The following GRIK1 variants were observed in gnomAD, a reference collection of about 807,000 sequenced individuals.
GRIK1 encodes the protein glutamate ionotropic receptor kainate type subunit 1.
A neutral mutation model predicts 105.7 loss-of-function variants in GRIK1; 69 were observed. That is an observed-to-expected ratio of 0.65 (90% CI 0.54 to 0.80). The LOEUF (loss-of-function observed/expected upper bound fraction) is 0.80. Among genes scored for constraint, GRIK1 ranks in the 30% least tolerant of loss-of-function variants. The probability of loss-of-function intolerance (pLI) is 0.00; values close to 1 mark genes in which losing one functional copy is unlikely to be tolerated. For missense variants in GRIK1, 1,109 were observed against 1,167.3 expected (o/e 0.95, Z 0.73); for synonymous variants, 438 against 431.3 (o/e 1.02, Z -0.19).
intron 1 of GRIK1, among the ~76,000 whole-genome samples, chr21:29,909,076 T>TAC (rs2070732562): frequency 6.6e-6 from 1 of 152,178 alleles, no homozygotes; most frequent in Non-Finnish European, 1.5e-5. Context: ...CCGTGTTTGT[T>TAC]ACACATTGTA....
intron 1 of GRIK1, among the ~76,000 whole-genome samples, chr21:29,800,943 A>T (rs2066690887): frequency 6.6e-6 from 1 of 152,174 alleles, no homozygotes; most frequent in African/African-American, 2.4e-5. Context: ...ATTTTGCCTC[A>T]TCACAACTCC....
intron 16 of GRIK1, among the ~76,000 whole-genome samples, chr21:29,554,145 A>G (rs2090190119): frequency 6.6e-6 from 1 of 152,170 alleles, no homozygotes; most frequent in South Asian, 2.1e-4. Flanking sequence ...CCAGTGCGAA[A>G]TGAAAATATG....
At chr21:29,607,210 G>A (rs796287640) in intron 7 of GRIK1, among the ~76,000 whole-genome samples, 6 of 152,184 alleles carry the variant, frequency 3.9e-5, no homozygotes, top group African/African-American at 1.2e-4. Context: ...TGCAGGGTGA[G>A]AGATGACTGA....
intron 1 of GRIK1, among the ~76,000 whole-genome samples, chr21:29,911,232 G>A (rs74921071): frequency 0.029 from 4,362 of 152,050 alleles, 212 homozygotes; most frequent in African/African-American, 0.1. Flanking sequence ...TGGCAAAACC[G>A]GGCAACAGGA....
At chr21:29,814,625 A>G (rs1028202675) in intron 1 of GRIK1, among the ~76,000 whole-genome samples, 7 of 152,140 alleles carry the variant, frequency 4.6e-5, no homozygotes, top group African/African-American at 1.7e-4. Flanking sequence ...GATTCCGACT[A>G]TGTATTACAG....
chr21:29,771,823 G>A (rs1485831914), intron 1 of GRIK1, among the ~76,000 whole-genome samples: 2 of 152,184 alleles, frequency 1.3e-5, no homozygotes, highest in Non-Finnish European at 2.9e-5. Flanking sequence ...GCAAATAGCT[G>A]CTGTCTTAAG....
At chr21:29,808,498 A>C (rs1314253395) in intron 1 of GRIK1, among the ~76,000 whole-genome samples, 1 of 152,176 alleles carries the variant, frequency 6.6e-6, no homozygotes, top group Non-Finnish European at 1.5e-5. Context: ...GATATGCTAT[A>C]TATATTAGAG....
At chr21:29,878,114 T>C (rs114904202) in intron 1 of GRIK1, among the ~76,000 whole-genome samples, 1,711 of 152,186 alleles carry the variant, frequency 0.011, 39 homozygotes, top group African/African-American at 0.039. Flanking sequence ...TTGAAATGAA[T>C]GAGAGCGGAG....
intron 1 of GRIK1, among the ~76,000 whole-genome samples, chr21:29,706,946 G>A (rs1342225094): frequency 6.6e-6 from 1 of 151,994 alleles, no homozygotes; most frequent in Non-Finnish European, 1.5e-5. Context: ...CTCACTGCAA[G>A]CTCCGCCTCC....
chr21:29,647,803 G>C (rs1357096981), intron 6 of GRIK1, among the ~76,000 whole-genome samples: 1 of 152,110 alleles, frequency 6.6e-6, no homozygotes, highest in Non-Finnish European at 1.5e-5. Context: ...TGTTAATTCT[G>C]TCAATTACCA....
intron 1 of GRIK1, among the ~76,000 whole-genome samples, chr21:29,797,012 T>C (rs1053321330): frequency 1.3e-5 from 2 of 151,668 alleles, no homozygotes; most frequent in Non-Finnish European, 2.9e-5. Flanking sequence ...ATTTAGTTGG[T>C]TTCTAATGCG....
chr21:29,877,233 T>C (rs1250934992), intron 1 of GRIK1, among the ~76,000 whole-genome samples: 1 of 152,174 alleles, frequency 6.6e-6, no homozygotes, highest in Non-Finnish European at 1.5e-5. Context: ...AAATTTTCAT[T>C]GATGCTAGGC....
chr21:29,551,543 AAATGT>A (rs1170733052), intron 16 of GRIK1, among the ~76,000 whole-genome samples: 2 of 152,208 alleles, frequency 1.3e-5, no homozygotes, highest in Non-Finnish European at 2.9e-5. Context: ...TGAAAGGATC[AAATGT>A]AATGTATGTG....
At chr21:29,730,021 T>C (rs996522689) in intron 1 of GRIK1, among the ~76,000 whole-genome samples, 4 of 152,222 alleles carry the variant, frequency 2.6e-5, no homozygotes, top group African/African-American at 9.6e-5. Flanking sequence ...CATGTCATAA[T>C]CACTACATTT....
chr21:29,808,739 C>T (rs1015120469), intron 1 of GRIK1, among the ~76,000 whole-genome samples: 1 of 152,124 alleles, frequency 6.6e-6, no homozygotes, highest in Non-Finnish European at 1.5e-5. Flanking sequence ...ATCTGTCTTT[C>T]TGATTCTCAG....
chr21:29,608,051 A>G (rs769600305), intron 7 of GRIK1, among the ~76,000 whole-genome samples: 4 of 152,098 alleles, frequency 2.6e-5, no homozygotes, highest in Non-Finnish European at 4.4e-5. Flanking sequence ...AAGAGATAAT[A>G]TTGGCATGAT....
chr21:29,688,442 T>C (rs1568976315), intron 3 of GRIK1, among the ~76,000 whole-genome samples: 2 of 152,184 alleles, frequency 1.3e-5, no homozygotes, highest in African/African-American at 4.8e-5. Context: ...TGTTTCACTT[T>C]ACTAACTTTC....
In GRIK1 at chr21:29,598,880, T is replaced by C. The variant is rs199860674; in HGVS notation, c.1156A>G (p.Lys386Glu). 1.3e-5 allele frequency: 20 copies of C among 1,599,868 alleles called. No individual in the cohort carries two copies. In the Admixed American group the frequency reaches 1.4e-4, roughly 11 times the overall value. The change falls in exon 8 of 18, where the codon AAG becomes GAG. Residue 386 changes from lysine (K) to glutamate (E), a missense_variant. By Grantham distance (56) the Lys-to-Glu change is moderately conservative. This residue lies in a region of GRIK1 where 612 missense variants were observed against 586.0 expected (regional missense o/e 1.04). Transcript: ENST00000327783. ...ITFNKTNGLR[K>E]DFDLDIISLK... is the part of the protein sequence containing the mutation. The stretch of plus-strand genomic sequence containing the variant: ...CTAATAATGTCCAGATCAAAATCCT[T>C]CCTCAAGCCATTGGTTTTATTAAAG...
chr21:29,770,300 T>C (rs925728724), intron 1 of GRIK1, among the ~76,000 whole-genome samples: 1 of 152,166 alleles, frequency 6.6e-6, no homozygotes, highest in Non-Finnish European at 1.5e-5. Context: ...TGTTAGTAAA[T>C]GCCCCAATCT....
Sources: allele counts gnomAD v4.1 joint callset (sites outside exome capture counted in the v4.1 genomes callset), GRCh38; gene constraint gnomAD v4.1.1; regional missense constraint gnomAD v4.1.1; transcripts MANE v1.5; gene names NCBI Gene and HGNC (gene_info 2026-07-23, HGNC 2026-07-21).